RALGPS2: variants seen among roughly 807,000 people sequenced by gnomAD.
RALGPS2 encodes the protein Ral GEF with PH domain and SH3 binding motif 2.
RALGPS2 carries 43 observed loss-of-function variants against 86.8 expected under a neutral mutation model. That is an observed-to-expected ratio of 0.50 (90% CI 0.39 to 0.64). RALGPS2 has a LOEUF of 0.64. RALGPS2 is among the 30% of genes least tolerant of loss of function. The pLI is 0.00. For missense variants in RALGPS2, 536 were observed against 694.6 expected (o/e 0.77, Z 2.57); for synonymous variants, 243 against 231.3 (o/e 1.05, Z -0.46).
intron 1 of RALGPS2, among the ~76,000 whole-genome samples, chr1:178,734,191 A>AT (rs1273183789): frequency 9.9e-5 from 15 of 152,242 alleles, no homozygotes; most frequent in Non-Finnish European, 8.8e-5. Context: ...GATGACTTGA[A>AT]TGAAAAAGTT....
intron 6 of RALGPS2, among the ~76,000 whole-genome samples, chr1:178,817,345 TAAAAAAAAAAAAAAAAA>T (rs142692953): frequency 1.0e-5 from 1 of 98,050 alleles, no homozygotes; most frequent in African/African-American, 3.8e-5. Context: ...TGTCTCAATT[TAAAAAAAAAAAAAAAAA>T]AAAAAAAAAG....
chr1:178,781,532 C>A (rs938371391), intron 2 of RALGPS2, among the ~76,000 whole-genome samples: 1 of 152,062 alleles, frequency 6.6e-6, no homozygotes, highest in Non-Finnish European at 1.5e-5. Context: ...CTTATCATTA[C>A]CAATTTATTA....
chr1:178,747,754 T>C, intron 1 of RALGPS2: 2 of 1,044,736 alleles, frequency 1.9e-6, no homozygotes, highest in Admixed American at 3.7e-5. Context: ...GTGGTGGGCA[T>C]GGCAGCAGGA....
rs549232517 is a variant in RALGPS2 at position 178,826,543 on chromosome 1, C to G, written c.480+4839C>G. On this transcript the variant is annotated intron_variant, in intron 7 of 19. Coordinates refer to ENST00000367635, the MANE Select transcript of RALGPS2 (RefSeq NM_152663.5). ...AGACAGAATCTAGATTGATGGTTGC[C>G]AGGGATGGGGAGAAATGGGATTTGG... 1.5e-3 allele frequency among the ~76,000 whole-genome samples: 225 copies of G among 151,942 alleles called. 1 individual carries two copies. Among genetic ancestry groups the G allele is most frequent in the African/African-American group, 4.9e-3 (203 of 41,436 alleles).
At chr1:178,907,105 C>A (rs1419333791) in intron 19 of RALGPS2, among the ~76,000 whole-genome samples, 1 of 152,126 alleles carries the variant, frequency 6.6e-6, no homozygotes, top group South Asian at 2.1e-4. Flanking sequence ...AAACAATAGA[C>A]GTATGTGATA....
chr1:178,788,898 T>A (rs564106188), intron 4 of RALGPS2, among the ~76,000 whole-genome samples: 1 of 151,076 alleles, frequency 6.6e-6, no homozygotes, highest in African/African-American at 2.4e-5. Context: ...CTTTCCTTTC[T>A]TTCTTCTTCT....
rs1424706211 is a variant in RALGPS2, at chr1:178,917,691, T to G, written c.*1332T>G. The G allele has an allele frequency of 6.6e-6, 1 of 152,194 alleles. No homozygotes were observed. Among genetic ancestry groups the G allele is most frequent in the African/African-American group, 2.4e-5 (1 of 41,464 alleles). 9.4% of individuals were successfully genotyped at this position (152,194 alleles called of 1,614,324 possible). On this transcript the variant is annotated 3_prime_UTR_variant, in exon 20 of 20. Transcript: ENST00000367635. ...GAACTCTTCTATGCAATGATGCATT[T>G]AATTTCTAAAGTAAATGTTGAATTA...
intron 6 of RALGPS2, among the ~76,000 whole-genome samples, chr1:178,816,202 A>C (rs940334328): frequency 1.3e-5 from 2 of 152,210 alleles, no homozygotes; most frequent in Non-Finnish European, 2.9e-5. Flanking sequence ...TGCAGTCAGC[A>C]ATAAGTCTTC....
intron 4 of RALGPS2, among the ~76,000 whole-genome samples, chr1:178,801,813 T>C (rs1214882797): frequency 1.3e-5 from 1 of 76,866 alleles, no homozygotes; most frequent in Admixed American, 1.5e-4. Flanking sequence ...ACTTGATGGG[T>C]AGAAGGGAGG....
rs191807463 is a variant in RALGPS2 at position 178,791,885 on chromosome 1, G to A, written c.213+6278G>A. Among the ~76,000 whole-genome samples the A allele has an allele frequency of 3.8e-4, 58 of 152,096 alleles. 1 individual carries two copies. In the East Asian group the frequency reaches 6.8e-3, roughly 18 times the overall value. On this transcript the variant is annotated intron_variant, in intron 4 of 19. Transcript: ENST00000367635. ...TGTACTATATATCTCAGAATTGCTC[G>A]GGGGAAAAAAAGAAAAATTCCAAGT...
At chr1:178,811,863 A>G (rs766074912) in intron 6 of RALGPS2, among the ~76,000 whole-genome samples, 1 of 152,218 alleles carries the variant, frequency 6.6e-6, no homozygotes, top group South Asian at 2.1e-4. Context: ...ATTGTGTGAC[A>G]TAGATAATAA....
chr1:178,787,793 TA>T (rs1391137561), intron 4 of RALGPS2, among the ~76,000 whole-genome samples: 4 of 152,196 alleles, frequency 2.6e-5, no homozygotes, highest in Admixed American at 2.6e-4. Flanking sequence ...CACCCCAATG[TA>T]AAATACTGTC....
rs1400938790 is a variant in RALGPS2 at position 178,902,148 on chromosome 1, A to G, written c.1567A>G (p.Met523Val). 4.3e-6 allele frequency: 7 copies of G among 1,612,928 alleles called. No homozygotes were observed. The Admixed American group carries it at 1.0e-4, about 23-fold the overall frequency. The change falls in exon 18 of 20, where the codon ATG (methionine) becomes GTG (valine). Residue 523 changes from methionine to valine, a missense_variant. By Grantham distance (21) the Met-to-Val change is conservative. This residue lies in a region of RALGPS2 where 309 missense variants were observed against 363.0 expected (regional missense o/e 0.85). Coordinates refer to ENST00000367635, the MANE Select transcript of RALGPS2 (RefSeq NM_152663.5). ...TAAGAACGTATCTGTGATAGGATGG[A>G]TGGTGATGATGGCTGATGACCCTGA... is the stretch of plus-strand genomic sequence containing the variant. ...SNKNVSVIGW[M>V]VMMADDPEHP... is the part of the protein sequence containing the mutation.
intron 8 of RALGPS2, among the ~76,000 whole-genome samples, chr1:178,873,678 G>A (rs1413026605): frequency 6.6e-6 from 1 of 152,138 alleles, no homozygotes; most frequent in Non-Finnish European, 1.5e-5. Context: ...AACATGGTTG[G>A]GGGTGGGATG....
At chr1:178,832,880 T>C (rs943985423) in intron 7 of RALGPS2, among the ~76,000 whole-genome samples, 2 of 151,956 alleles carry the variant, frequency 1.3e-5, no homozygotes, top group African/African-American at 4.8e-5. Context: ...CTTTTAGTTA[T>C]GTTGTATGTG....
chr1:178,742,596 A>T (rs1461445805), intron 1 of RALGPS2, among the ~76,000 whole-genome samples: 2 of 152,242 alleles, frequency 1.3e-5, no homozygotes, highest in African/African-American at 4.8e-5. Flanking sequence ...CAATACTGTC[A>T]ACCAATTTTA....
chr1:178,863,477 G>C (rs1658171137), intron 8 of RALGPS2, among the ~76,000 whole-genome samples: 1 of 152,222 alleles, frequency 6.6e-6, no homozygotes, highest in South Asian at 2.1e-4. Flanking sequence ...AGGTGTGTTT[G>C]TTTGAATCTA....
At chr1:178,785,478 G>T in intron 3 of RALGPS2, 79 bp from the exon 4 acceptor site, 2 of 1,414,998 alleles carry the variant, frequency 1.4e-6, no homozygotes, top group South Asian at 1.5e-5. Flanking sequence ...TTTTAGTATA[G>T]AATATAATTT....
rs1199161051 is a variant in RALGPS2, at chr1:178,846,660, TTTTC to T, written c.607+13114_607+13117del. On this transcript the variant is annotated intron_variant, in intron 8 of 19. Transcript: ENST00000367635. The stretch of plus-strand genomic sequence containing the variant: ...TAATTTCATCCCCATGTTCATAGTG[TTTTC>T]TTTAAGTGCCTTGTCTTTCTAAAAA... Among the ~76,000 whole-genome samples, 7 of 152,284 alleles carry T rather than the reference TTTTC, an allele frequency of 4.6e-5. No homozygotes were observed. The East Asian group carries it at 5.8e-4, about 13-fold the overall frequency.
Sources: gnomAD v4.1 joint callset for allele counts (sites outside exome capture counted in the v4.1 genomes callset) on GRCh38, gnomAD v4.1.1 for gene constraint, gnomAD v4.1.1 regional missense constraint, MANE v1.5 for transcripts, NCBI Gene and HGNC (gene_info 2026-07-23, HGNC 2026-07-21) for gene names.